Variants in LAMA2 observed in about 807,000 individuals in gnomAD.
The protein encoded by LAMA2 is laminin subunit alpha-2.
LAMA2 carries 269 observed loss-of-function variants against 364.8 expected under a neutral mutation model. The ratio of observed to expected loss-of-function variants is 0.74; its 90% confidence interval spans 0.67 to 0.82. LAMA2 has a LOEUF of 0.82. Among genes scored for constraint, LAMA2 ranks in the 40% least tolerant of loss-of-function variants. The probability of loss-of-function intolerance (pLI) is 0.00; values close to 1 mark genes in which losing one functional copy is unlikely to be tolerated. For missense variants in LAMA2, 3,807 were observed against 3,873.2 expected (o/e 0.98, Z 0.45); for synonymous variants, 1,379 against 1,370.6 (o/e 1.01, Z -0.14).
At chr6:129,091,796 T>C (rs1774847727) in intron 3 of LAMA2, among the ~76,000 whole-genome samples, 1 of 152,178 alleles carries the variant, frequency 6.6e-6, no homozygotes, top group Non-Finnish European at 1.5e-5. Flanking sequence ...TAGACATATT[T>C]CCACATTAAT....
At chr6:129,032,587 C>A (rs1372719326) in intron 1 of LAMA2, among the ~76,000 whole-genome samples, 1 of 151,990 alleles carries the variant, frequency 6.6e-6, no homozygotes, top group South Asian at 2.1e-4. Context: ...AACCTAGGTA[C>A]AATTATGATC....
At chr6:129,491,192 G>C (rs1391129293) in intron 56 of LAMA2, 1 of 152,284 alleles carries the variant, frequency 6.6e-6, no homozygotes, top group Non-Finnish European at 1.5e-5. Flanking sequence ...CGGAACAAAA[G>C]AGAAAATGCC....
intron 1 of LAMA2, among the ~76,000 whole-genome samples, chr6:128,961,596 G>T (rs1018204149): frequency 6.7e-6 from 1 of 148,300 alleles, no homozygotes; most frequent in Admixed American, 6.7e-5. Flanking sequence ...AGACTGGGAG[G>T]CTATGCCAGT....
chr6:129,334,057 A>G (rs1456731722), intron 29 of LAMA2, among the ~76,000 whole-genome samples: 1 of 152,212 alleles, frequency 6.6e-6, no homozygotes, highest in Non-Finnish European at 1.5e-5. Flanking sequence ...TTTTGAATTT[A>G]GGCAACTCTG....
chr6:129,014,898 G>A (rs1422140975), intron 1 of LAMA2, among the ~76,000 whole-genome samples: 2 of 151,834 alleles, frequency 1.3e-5, no homozygotes, highest in East Asian at 1.9e-4. Flanking sequence ...GTTCAATATT[G>A]TCATTAGACT....
chr6:129,388,465 A>G (rs1410351105), intron 35 of LAMA2, among the ~76,000 whole-genome samples: 1 of 152,126 alleles, frequency 6.6e-6, no homozygotes, highest in East Asian at 1.9e-4. Flanking sequence ...CATCCAAAAG[A>G]TACAGCCATA....
intron 32 of LAMA2, among the ~76,000 whole-genome samples, chr6:129,358,049 G>C (rs1252538552): frequency 1.3e-5 from 2 of 151,996 alleles, no homozygotes; most frequent in Non-Finnish European, 2.9e-5. Flanking sequence ...AGGACAGTAA[G>C]TATGTCATAG....
Position 129,298,910 on chromosome 6 carries a change from A to G in LAMA2, c.3037+1045A>G, listed in dbSNP as rs186533314. Among the ~76,000 whole-genome samples the G allele has an allele frequency of 4.6e-5, 7 of 152,288 alleles. 1 individual carries two copies. The highest frequency in any genetic ancestry group is 1.5e-5 in the Non-Finnish European group (1 of 68,000). ...TAAGAATCTGTATATCTCTAAGCCA[A>G]TATCTGTATAACTTAAAAATTATAA... On this transcript the variant is annotated intron_variant, in intron 21 of 64. Coordinates refer to ENST00000421865, the MANE Select transcript of LAMA2 (RefSeq NM_000426.4).
At chr6:129,113,707 C>T (rs766258119) in intron 4 of LAMA2, among the ~76,000 whole-genome samples, 8 of 151,938 alleles carry the variant, frequency 5.3e-5, no homozygotes, top group Non-Finnish European at 1.2e-4. Flanking sequence ...AAGACAGTAG[C>T]AAAATGAGAA....
chr6:129,019,551 A>G (rs1785282170), intron 1 of LAMA2, among the ~76,000 whole-genome samples: 2 of 151,738 alleles, frequency 1.3e-5, no homozygotes, highest in African/African-American at 4.8e-5. Flanking sequence ...TCCCTTTTTA[A>G]TATTATTCTA....
chr6:129,297,244 T>C (rs1301530848), intron 20 of LAMA2, among the ~76,000 whole-genome samples: 2 of 152,206 alleles, frequency 1.3e-5, no homozygotes, highest in Non-Finnish European at 2.9e-5. Flanking sequence ...ATTTTAACTT[T>C]AGGCTGCTGG....
intron 1 of LAMA2, among the ~76,000 whole-genome samples, chr6:128,991,244 C>T (rs549220385): frequency 4.7e-4 from 72 of 151,988 alleles, no homozygotes; most frequent in African/African-American, 1.7e-3. Flanking sequence ...TTTTTTTCCC[C>T]CTCCGGAGAA....
At chr6:129,358,048 A>G (rs1209782269) in intron 32 of LAMA2, among the ~76,000 whole-genome samples, 3 of 151,972 alleles carry the variant, frequency 2.0e-5, no homozygotes, top group Admixed American at 6.6e-5. Context: ...AAGGACAGTA[A>G]GTATGTCATA....
intron 36 of LAMA2, 26 bp downstream of exon 36, chr6:129,391,679 C>T (rs778599779): frequency 1.4e-5 from 22 of 1,596,794 alleles, no homozygotes; most frequent in Non-Finnish European, 8.6e-7. Context: ...ATTATTTTTT[C>T]TTTTGACAAA....
rs191392745 is a variant in LAMA2 at position 129,272,671 on chromosome 6, T to C, written c.2450+1920T>C. ...TTGAGAAAATAAGACATTGGTTTAA[T>C]GCAGGGGTCCTCAACCATCTATAGC... On this transcript the variant is annotated intron_variant, in intron 17 of 64. Transcript: ENST00000421865. Among the ~76,000 whole-genome samples, 46 of 152,272 alleles carry C rather than the reference T, an allele frequency of 3.0e-4. No homozygotes were observed. The East Asian group carries it at 6.9e-3, about 23-fold the overall frequency.
intron 1 of LAMA2, among the ~76,000 whole-genome samples, chr6:128,936,785 G>T (rs1301801930): frequency 6.6e-6 from 1 of 152,124 alleles, no homozygotes; most frequent in Admixed American, 6.5e-5. Context: ...TATGGTGAAC[G>T]ACATAGGCAT....
intron 9 of LAMA2, among the ~76,000 whole-genome samples, chr6:129,166,559 A>G (rs1779756233): frequency 6.6e-6 from 1 of 152,182 alleles, no homozygotes; most frequent in Non-Finnish European, 1.5e-5. Flanking sequence ...ATACGTTTTG[A>G]TAGTCGAATG....
intron 9 of LAMA2, among the ~76,000 whole-genome samples, chr6:129,173,452 C>G (rs1222747688): frequency 2.0e-5 from 3 of 152,038 alleles, no homozygotes; most frequent in Admixed American, 2.0e-4. Context: ...TCTTGAGGTC[C>G]TACTATATAA....
At position 129,192,772 on chromosome 6, in the gene LAMA2, C is replaced by T. The variant is rs111381107; in HGVS notation, c.1701C>T (p.Ile567=). ...ACGACTTGGACTCACCTCAGCAGAT[C>T]AGCATCAGTAACGCGGAGGCCCGGC... ...QQDDLDSPQQ[I]SISNAEARQA... The change falls in exon 12 of 65, where the codon ATC becomes ATT. Residue 567 remains isoleucine (I), a synonymous_variant. Transcript: ENST00000421865. 1.4e-3 allele frequency: 2,185 copies of T among 1,614,174 alleles called. 26 individuals are homozygous for T. The African/African-American group carries it at 0.021, about 16-fold the overall frequency.
Sources: allele counts gnomAD v4.1 joint callset (sites outside exome capture counted in the v4.1 genomes callset), GRCh38; gene constraint gnomAD v4.1.1; transcripts MANE v1.5; gene names NCBI Gene and HGNC (gene_info 2026-07-23, HGNC 2026-07-21).